IQCJ: variants seen among roughly 807,000 people sequenced by gnomAD.
IQCJ encodes the protein IQ motif containing J.
A neutral mutation model predicts 11.0 loss-of-function variants in IQCJ; 9 were observed. The observed-to-expected ratio is 0.82, with a 90% CI of 0.49 to 1.43. The LOEUF is 1.43. IQCJ is among the 40% of genes most tolerant of loss of function. The pLI is 0.00. For synonymous variants in IQCJ, 55 were observed against 51.3 expected, an observed-to-expected ratio of 1.07 and a Z score of -0.31; for missense variants, 146 against 133.2, an observed-to-expected ratio of 1.10 and a Z score of -0.47.
intron 1 of IQCJ, among the ~76,000 whole-genome samples, chr3:159,127,127 GACAA>G (rs1394224655): frequency 6.6e-6 from 1 of 152,210 alleles, no homozygotes; most frequent in African/African-American, 2.4e-5. Flanking sequence ...CCATGCAGTT[GACAA>G]ACACATTTTG....
intron 3 of IQCJ, among the ~76,000 whole-genome samples, chr3:159,261,458 G>GTGTGACCAGA (rs1728200581): frequency 6.6e-6 from 1 of 152,154 alleles, no homozygotes; most frequent in African/African-American, 2.4e-5. Context: ...CATGTCAAGG[G>GTGTGACCAGA]TGTGACCAGA....
intron 1 of IQCJ, among the ~76,000 whole-genome samples, chr3:159,231,366 T>C (rs1448237907): frequency 6.6e-6 from 1 of 152,220 alleles, no homozygotes; most frequent in Non-Finnish European, 1.5e-5. Flanking sequence ...TGGTTTTTAG[T>C]TTCTTGTTTC....
chr3:159,246,536 G>C (rs1488882874), intron 2 of IQCJ, among the ~76,000 whole-genome samples: 1 of 152,124 alleles, frequency 6.6e-6, no homozygotes, highest in Non-Finnish European at 1.5e-5. Context: ...ATAAACCCGG[G>C]TTTGGTTGCC....
At chr3:159,117,143 C>G (rs1473782904) in intron 1 of IQCJ, among the ~76,000 whole-genome samples, 3 of 152,214 alleles carry the variant, frequency 2.0e-5, no homozygotes, top group Non-Finnish European at 4.4e-5. Flanking sequence ...ATCCTTACCA[C>G]AACCCCCAAC....
intron 1 of IQCJ, among the ~76,000 whole-genome samples, chr3:159,186,810 C>T (rs1332026937): frequency 6.6e-6 from 1 of 152,236 alleles, no homozygotes; most frequent in East Asian, 1.9e-4. Context: ...CAGGTCTAAA[C>T]CAGCACAGCA....
At chr3:159,192,967 T>G (rs1723778052) in intron 1 of IQCJ, among the ~76,000 whole-genome samples, 1 of 152,174 alleles carries the variant, frequency 6.6e-6, no homozygotes, top group South Asian at 2.1e-4. Context: ...ACCATTTACC[T>G]CCTCTAAGAT....
At chr3:159,183,202 A>G (rs1284331763) in intron 1 of IQCJ, among the ~76,000 whole-genome samples, 1 of 152,140 alleles carries the variant, frequency 6.6e-6, no homozygotes, top group Non-Finnish European at 1.5e-5. Flanking sequence ...GGATGAAAGG[A>G]CATTTCAGGG....
intron 1 of IQCJ, among the ~76,000 whole-genome samples, chr3:159,092,523 C>T (rs965516738): frequency 4.6e-5 from 7 of 151,752 alleles, no homozygotes; most frequent in East Asian, 1.9e-4. Context: ...CACGGTGAAA[C>T]CCCCTCTCTA....
At chr3:159,108,931 G>T (rs993646510) in intron 1 of IQCJ, among the ~76,000 whole-genome samples, 3 of 152,204 alleles carry the variant, frequency 2.0e-5, no homozygotes, top group African/African-American at 7.2e-5. Context: ...TTTTGTGTGG[G>T]AAAGAGGATG....
intron 1 of IQCJ, among the ~76,000 whole-genome samples, chr3:159,168,699 A>G (rs1287203444): frequency 1.3e-5 from 2 of 152,170 alleles, no homozygotes; most frequent in Non-Finnish European, 2.9e-5. Context: ...CTTATTTCTA[A>G]CAGTGATGAT....
intron 2 of IQCJ, among the ~76,000 whole-genome samples, chr3:159,248,111 A>G (rs1411971017): frequency 1.3e-5 from 2 of 152,174 alleles, no homozygotes; most frequent in Non-Finnish European, 2.9e-5. Flanking sequence ...ATTTTTAACC[A>G]TCTTGAGCCC....
intron 1 of IQCJ, among the ~76,000 whole-genome samples, chr3:159,233,127 A>G (rs1055281165): frequency 6.6e-6 from 1 of 152,098 alleles, no homozygotes. Context: ...CCACATCTGG[A>G]CTGAGTCATC....
At chr3:159,105,858 C>A (rs968620659) in intron 1 of IQCJ, among the ~76,000 whole-genome samples, 1 of 152,122 alleles carries the variant, frequency 6.6e-6, no homozygotes, top group Non-Finnish European at 1.5e-5. Context: ...CTTTGGATAT[C>A]ATCGTAAGTG....
At chr3:159,141,866 C>A (rs1245275480) in intron 1 of IQCJ, among the ~76,000 whole-genome samples, 2 of 152,182 alleles carry the variant, frequency 1.3e-5, no homozygotes, top group Non-Finnish European at 2.9e-5. Flanking sequence ...TTTTATGGAA[C>A]AAATTATTTA....
At chr3:159,160,765 G>A (rs1301169312) in intron 1 of IQCJ, among the ~76,000 whole-genome samples, 1 of 141,514 alleles carries the variant, frequency 7.1e-6, no homozygotes, top group East Asian at 2.1e-4. Flanking sequence ...TCCCACCTAT[G>A]AGTGAGAATA....
chr3:159,220,143 A>G (rs1725452977), intron 1 of IQCJ, among the ~76,000 whole-genome samples: 2 of 152,130 alleles, frequency 1.3e-5, no homozygotes, highest in Non-Finnish European at 2.9e-5. Flanking sequence ...GTCAGATTTT[A>G]AAAGGTATCT....
chr3:159,190,492 A>C (rs147445963), intron 1 of IQCJ, among the ~76,000 whole-genome samples: 138 of 152,332 alleles, frequency 9.1e-4, no homozygotes, highest in Non-Finnish European at 1.7e-3. Context: ...GGAGAGGCGC[A>C]TGAATCATAA....
In IQCJ at chr3:159,147,630, G is replaced by A. The variant is rs187773613; in HGVS notation, c.9+78189G>A. ...CTTTCTGAAGAAGGTGTGGTTGGGGGAGGGGAATTAAGAAGATGGAAGTAA... is the reference window on the plus strand; with the variant it reads ...CTTTCTGAAGAAGGTGTGGTTGGGGAAGGGGAATTAAGAAGATGGAAGTAA... On this transcript the variant is annotated intron_variant, in intron 1 of 3. Coordinates refer to ENST00000397832, the MANE Select transcript of IQCJ (RefSeq NM_001042706.3). Among the ~76,000 whole-genome samples, 447 of 152,318 alleles carry A rather than the reference G, an allele frequency of 2.9e-3. 3 individuals are homozygous for A. The highest frequency in any genetic ancestry group is 0.01 in the African/African-American group (422 of 41,568).
At chr3:159,189,884 C>A (rs1463645616) in intron 1 of IQCJ, among the ~76,000 whole-genome samples, 1 of 152,182 alleles carries the variant, frequency 6.6e-6, no homozygotes, top group Non-Finnish European at 1.5e-5. Context: ...TTGCTGAATT[C>A]TGATCTCTCC....
Sources: gnomAD v4.1 joint callset for allele counts (sites outside exome capture counted in the v4.1 genomes callset) on GRCh38, gnomAD v4.1.1 for gene constraint, MANE v1.5 for transcripts, NCBI Gene and HGNC (gene_info 2026-07-23, HGNC 2026-07-21) for gene names.